GALNT18: variants seen among roughly 807,000 people sequenced by gnomAD.
GALNT18 encodes polypeptide N-acetylgalactosaminyltransferase 18, also known as GalNAc-transferase 18.
A neutral mutation model predicts 69.5 loss-of-function variants in GALNT18; 44 were observed. The observed-to-expected ratio is 0.63, with a 90% confidence interval of 0.50 to 0.81. The LOEUF is 0.81. Among genes scored for constraint, GALNT18 ranks in the 40% least tolerant of loss-of-function variants. GALNT18 has a pLI of 0.00. For synonymous variants in GALNT18, 364 were observed against 318.2 expected (o/e 1.14, Z -1.53); for missense variants, 715 against 810.0 (o/e 0.88, Z 1.42).
intron 10 of GALNT18, among the ~76,000 whole-genome samples, chr11:11,282,419 C>T (rs137995127): frequency 6.6e-6 from 1 of 152,338 alleles, no homozygotes; most frequent in East Asian, 1.9e-4. Flanking sequence ...CTGACAAAAG[C>T]CCTGAGAGGT....
chr11:11,468,830 G>A (rs1856212174), intron 1 of GALNT18, among the ~76,000 whole-genome samples: 1 of 152,178 alleles, frequency 6.6e-6, no homozygotes, highest in Non-Finnish European at 1.5e-5. Context: ...GCTGGTGCTG[G>A]AGAAAATGTT....
chr11:11,564,010 G>A lies in GALNT18; in HGVS notation c.235+57349C>T, dbSNP rs1408790042. Among the ~76,000 whole-genome samples the A allele has an allele frequency of 2.0e-5, 3 of 152,086 alleles. No individual in the cohort carries two copies. The highest frequency in any genetic ancestry group is 7.2e-5 in the African/African-American group (3 of 41,408). On this transcript the variant is annotated intron_variant, in intron 1 of 10. Transcript: ENST00000227756. The surrounding 1 kb of genome is among the most constrained non-coding windows in gnomAD (Gnocchi z 4.3). ...CTCCAACGCCCTAAAAACCAGCAAC[G>A]ATCAACTAGATGCTGATTACTAGTG...
chr11:11,616,579 T>G lies in GALNT18; in HGVS notation c.235+4780A>C, dbSNP rs529277234. Among the ~76,000 whole-genome samples, 1 of 152,354 alleles carries G rather than the reference T, an allele frequency of 6.6e-6. No homozygotes were observed. Among genetic ancestry groups the G allele is most frequent in the African/African-American group, 2.4e-5 (1 of 41,578 alleles). On this transcript the variant is annotated intron_variant, in intron 1 of 10. Coordinates refer to ENST00000227756, the MANE Select transcript of GALNT18 (RefSeq NM_198516.3). The surrounding 1 kb of genome is among the most constrained non-coding windows in gnomAD (Gnocchi z 4.4). The stretch of plus-strand genomic sequence containing the variant: ...CAATAATAGTATACTGATGACAGAA[T>G]ACTATGCAGTCATTAAAAATACAGT...
rs1856052869 is a variant in GALNT18 at position 11,461,914 on chromosome 11, TTTCATCTGTA to T, written c.236-12988_236-12979del. The stretch of plus-strand genomic sequence containing the variant: ...TGAAGCTGCAAAAATCATATGTACC[TTTCATCTGTA>T]ATATTACTCTATCATGTGCTCCCCT... On this transcript the variant is annotated intron_variant, in intron 1 of 10. Coordinates refer to ENST00000227756, the MANE Select transcript of GALNT18 (RefSeq NM_198516.3). The surrounding 1 kb of genome is among the most constrained non-coding windows in gnomAD (Gnocchi z 4.1). Among the ~76,000 whole-genome samples, 1 of 152,212 alleles carries T rather than the reference TTTCATCTGTA, an allele frequency of 6.6e-6. No homozygotes were observed. Among genetic ancestry groups the T allele is most frequent in the Non-Finnish European group, 1.5e-5 (1 of 68,044 alleles).
Position 11,358,033 on chromosome 11 carries a change from G to A in GALNT18, c.1092+14482C>T, listed in dbSNP as rs139662702. ...CACCAATACAGCTCCTATCTTTCTG[G>A]CTGATTCTTCTCTGAGACTGTGGGA... On this transcript the variant is annotated intron_variant, in intron 6 of 10. Transcript: ENST00000227756. Among the ~76,000 whole-genome samples, 123 of 152,120 alleles carry A rather than the reference G, an allele frequency of 8.1e-4. 1 individual carries two copies. In the East Asian group the frequency reaches 0.018, roughly 22 times the overall value.
intron 1 of GALNT18, among the ~76,000 whole-genome samples, chr11:11,479,725 C>T (rs6484943): frequency 0.79 from 119,728 of 152,084 alleles, 47,968 homozygotes; most frequent in Admixed American, 0.86. Context: ...GTGCCCCATG[C>T]GGAAGTCACG....
chr11:11,576,426 A>G (rs930271571), intron 1 of GALNT18, among the ~76,000 whole-genome samples: 3 of 152,248 alleles, frequency 2.0e-5, no homozygotes, highest in African/African-American at 4.8e-5. Flanking sequence ...CCAGGTGCAG[A>G]TATAAGAGAG....
At chr11:11,517,167 T>TA (rs1857298144) in intron 1 of GALNT18, among the ~76,000 whole-genome samples, 1 of 152,202 alleles carries the variant, frequency 6.6e-6, no homozygotes, top group South Asian at 2.1e-4. Context: ...TCCAGAACTA[T>TA]AAAAAACAAA....
intron 1 of GALNT18, among the ~76,000 whole-genome samples, chr11:11,589,471 T>A (rs1362424996): frequency 1.3e-5 from 2 of 152,062 alleles, no homozygotes; most frequent in African/African-American, 4.8e-5. Context: ...CAAATATGAA[T>A]CAAAAGGAAA....
rs553065622 is a variant in GALNT18 at position 11,461,826 on chromosome 11, C to A, written c.236-12890G>T. On this transcript the variant is annotated intron_variant, in intron 1 of 10. Coordinates refer to ENST00000227756, the MANE Select transcript of GALNT18 (RefSeq NM_198516.3). The surrounding 1 kb of genome is among the most constrained non-coding windows in gnomAD (Gnocchi z 4.1). The stretch of plus-strand genomic sequence containing the variant: ...GCCTGCAGCCCAGAACAATGCCAGA[C>A]GCCATGACTCCTTTCAAGGCTCTGC... 1.3e-5 allele frequency among the ~76,000 whole-genome samples: 2 copies of A among 152,234 alleles called. No homozygotes were observed. Among genetic ancestry groups the A allele is most frequent in the Non-Finnish European group, 2.9e-5 (2 of 68,042 alleles).
chr11:11,315,367 T>A lies in GALNT18; in HGVS notation c.1512+11719A>T, dbSNP rs1207682002. Among the ~76,000 whole-genome samples, 1 of 151,950 alleles carries A rather than the reference T, an allele frequency of 6.6e-6. No individual in the cohort carries two copies. Among genetic ancestry groups the A allele is most frequent in the Non-Finnish European group, 1.5e-5 (1 of 67,994 alleles). ...ATTAATGAAACAACTCACTCCATCA[T>A]CACTTACCAATGAGGAGACAGACAG... On this transcript the variant is annotated intron_variant, in intron 9 of 10. Coordinates refer to ENST00000227756, the MANE Select transcript of GALNT18 (RefSeq NM_198516.3). The surrounding 1 kb of genome is among the most constrained non-coding windows in gnomAD (Gnocchi z 5.6).
chr11:11,363,771 G>T (rs986653982), intron 6 of GALNT18, among the ~76,000 whole-genome samples: 7 of 152,166 alleles, frequency 4.6e-5, no homozygotes, highest in African/African-American at 1.7e-4. Flanking sequence ...CCAGATTGTG[G>T]TTTTAAATAC....
chr11:11,319,453 C>CAGTATCCCAGGGCCAAGAACAGTATTTTT (rs1849808713), intron 9 of GALNT18, among the ~76,000 whole-genome samples: 1 of 152,160 alleles, frequency 6.6e-6, no homozygotes, highest in Non-Finnish European at 1.5e-5. Flanking sequence ...GTATCTGGCA[C>CAGTATCCCAGGGCCAAGAACAGTATTTTT]ATGAATGCTG....
intron 1 of GALNT18, among the ~76,000 whole-genome samples, chr11:11,498,265 T>C (rs756098199): frequency 2.0e-5 from 3 of 152,238 alleles, no homozygotes; most frequent in Non-Finnish European, 2.9e-5. Context: ...TTTTACTGGG[T>C]CACTCAATAT....
At chr11:11,551,296 G>C (rs1348931179) in intron 1 of GALNT18, among the ~76,000 whole-genome samples, 1 of 151,828 alleles carries the variant, frequency 6.6e-6, no homozygotes, top group Non-Finnish European at 1.5e-5. Context: ...ATGCAACAGA[G>C]GTCTGTCATA....
intron 1 of GALNT18, among the ~76,000 whole-genome samples, chr11:11,553,870 A>T (rs1168525607): frequency 2.6e-5 from 4 of 151,948 alleles, no homozygotes; most frequent in African/African-American, 9.7e-5. Context: ...AATCCATTTA[A>T]CTCTTAGAAA....
chr11:11,425,076 C>T (rs111731041), intron 3 of GALNT18, among the ~76,000 whole-genome samples: 391 of 152,306 alleles, frequency 2.6e-3, no homozygotes, highest in African/African-American at 8.9e-3. Context: ...AATGTAGGTC[C>T]GCAGTTTCCT....
At position 11,621,477 on chromosome 11, in the gene GALNT18, C is replaced by A. The variant is rs1860191571; in HGVS notation, c.117G>T (p.Val39=). Residue 39 remains valine, a synonymous_variant, in exon 1 of 11, where the codon GTG becomes GTT. Transcript: ENST00000227756. This position sits in a 1 kb window ranked among gnomAD's most constrained non-coding sequence, Gnocchi z 9.3. The part of the protein sequence containing the change: ...VGWVTNYIAS[V]YVRGQEPAPD... ...GCGCCGGCTCCTGCCCCCGCACATA[C>A]ACGCTGGCGATGTAGTTGGTGACCC... The A allele has an allele frequency of 6.2e-7, 1 of 1,614,074 alleles. No individual in the cohort carries two copies. Among genetic ancestry groups the A allele is most frequent in the Non-Finnish European group, 8.5e-7 (1 of 1,180,032 alleles).
At chr11:11,533,628 C>T (rs1258005690) in intron 1 of GALNT18, among the ~76,000 whole-genome samples, 7 of 152,212 alleles carry the variant, frequency 4.6e-5, no homozygotes, top group African/African-American at 1.7e-4. Context: ...TACCTCCTCT[C>T]CACAACAGCT....
Sources: allele counts gnomAD v4.1 joint callset (sites outside exome capture counted in the v4.1 genomes callset), GRCh38; gene constraint gnomAD v4.1.1; non-coding constraint Gnocchi (gnomAD v3.1); transcripts MANE v1.5; gene names NCBI Gene and HGNC (gene_info 2026-07-23, HGNC 2026-07-21).